Variants in WDR20 observed in about 807,000 individuals in gnomAD.
The protein encoded by WDR20 is WD repeat-containing protein 20.
In WDR20, 3 loss-of-function variants were observed where a neutral mutation model predicts 38.7. The observed-to-expected ratio is 0.08, with a 90% CI of 0.04 to 0.20. The LOEUF (loss-of-function observed/expected upper bound fraction) is 0.20, where lower values mean the gene tolerates loss of function less well. Ranked by LOEUF, WDR20 falls within the 10% of genes least tolerant of loss-of-function variation. WDR20 has a pLI of 1.00. For missense variants in WDR20, 559 were observed against 727.7 expected (o/e 0.77, Z 2.67); for synonymous variants, 298 against 285.6 (o/e 1.04, Z -0.44).
intron 1 of WDR20, among the ~76,000 whole-genome samples, chr14:102,169,720 G>T (rs1447649322): frequency 6.6e-6 from 1 of 152,012 alleles, no homozygotes; most frequent in Non-Finnish European, 1.5e-5. Flanking sequence ...TAGAGACAGG[G>T]TTTCACCATG....
At chr14:102,216,211 G>C (rs769724390), downstream of WDR20, among the ~76,000 whole-genome samples, 2 of 152,232 alleles carry the variant, frequency 1.3e-5, no homozygotes, top group Non-Finnish European at 2.9e-5. Flanking sequence ...GGCTGTCAAA[G>C]CGGAGGGAAC....
chr14:102,163,676 C>T (rs1378066368), intron 1 of WDR20, among the ~76,000 whole-genome samples: 1 of 142,736 alleles, frequency 7.0e-6, no homozygotes, highest in Non-Finnish European at 1.5e-5. Flanking sequence ...CTGTTAATAG[C>T]AGCAGAAAAT....
intron 1 of WDR20, among the ~76,000 whole-genome samples, chr14:102,179,274 G>A (rs747240007): frequency 1.3e-5 from 2 of 151,704 alleles, no homozygotes; most frequent in East Asian, 1.9e-4. Context: ...TTATAAAAGC[G>A]GCCTTTGAGA....
intron 1 of WDR20, among the ~76,000 whole-genome samples, chr14:102,150,980 C>T (rs1055478648): frequency 3.9e-5 from 6 of 152,186 alleles, no homozygotes; most frequent in African/African-American, 1.4e-4. Context: ...GACATAGTCC[C>T]TGGCCCAAAG....
At chr14:102,162,107 G>A (rs2058867448) in intron 1 of WDR20, among the ~76,000 whole-genome samples, 1 of 152,172 alleles carries the variant, frequency 6.6e-6, no homozygotes, top group African/African-American at 2.4e-5. Context: ...GTAGATATTG[G>A]ATAAGCGAGT....
intron 2 of WDR20, among the ~76,000 whole-genome samples, chr14:102,200,467 T>TTTTTTTGTGTGTGTG (rs748066838): frequency 4.2e-5 from 5 of 117,764 alleles, no homozygotes; most frequent in African/African-American, 1.6e-4. Context: ...ATTTTTTTTT[T>TTTTTTTGTGTGTGTG]TGTGTGTGTG....
intron 1 of WDR20, among the ~76,000 whole-genome samples, chr14:102,189,170 A>G (rs183879954): frequency 9.9e-4 from 151 of 152,278 alleles, no homozygotes; most frequent in African/African-American, 3.3e-3. Context: ...AGATCGCACC[A>G]CTGCACTCCA....
chr14:102,202,372 GTTTTTTTTTTT>G (rs5811062), intron 2 of WDR20, among the ~76,000 whole-genome samples: 5 of 67,632 alleles, frequency 7.4e-5, no homozygotes, highest in Non-Finnish European at 1.3e-4. Flanking sequence ...CTGTATGGAG[GTTTTTTTTTTT>G]TTTTTTTTTT....
intron 1 of WDR20, among the ~76,000 whole-genome samples, chr14:102,168,235 T>C (rs1389637360): frequency 1.3e-5 from 2 of 152,204 alleles, no homozygotes; most frequent in African/African-American, 4.8e-5. Context: ...CTGTTAATCA[T>C]TCAAATCACT....
At chr14:102,155,439 T>C (rs1187622660) in intron 1 of WDR20, among the ~76,000 whole-genome samples, 1 of 152,268 alleles carries the variant, frequency 6.6e-6, no homozygotes, top group East Asian at 1.9e-4. Context: ...GAGAGCAGCC[T>C]TAGAGAGACC....
intron 1 of WDR20, among the ~76,000 whole-genome samples, chr14:102,151,899 A>T (rs960183951): frequency 6.6e-6 from 1 of 151,150 alleles, no homozygotes; most frequent in South Asian, 2.1e-4. Context: ...GCTACCACCC[A>T]CACCCACCTG....
At chr14:102,176,171 G>C (rs2062021177) in intron 1 of WDR20, among the ~76,000 whole-genome samples, 2 of 152,178 alleles carry the variant, frequency 1.3e-5, no homozygotes, top group African/African-American at 4.8e-5. Context: ...GAGGTGGGCA[G>C]ATCACGAGGT....
At chr14:102,150,059 T>C (rs2055211631) in intron 1 of WDR20, among the ~76,000 whole-genome samples, 1 of 152,178 alleles carries the variant, frequency 6.6e-6, no homozygotes, top group Admixed American at 6.6e-5. Context: ...GCCAAATCAG[T>C]TTGTGTTACA....
rs752615602 is a variant in WDR20 at position 102,195,046 on chromosome 14, G to T, written c.358G>T (p.Val120Leu). The T allele has an allele frequency of 6.2e-7, 1 of 1,614,104 alleles. No homozygotes were observed. Among genetic ancestry groups the T allele is most frequent in the Non-Finnish European group, 8.5e-7 (1 of 1,180,046 alleles). Residue 120 changes from valine (V) to leucine (L), a missense_variant, in exon 2 of 3, where the codon GTG (valine) becomes TTG (leucine). Coordinates refer to ENST00000342702, the MANE Select transcript of WDR20 (RefSeq NM_144574.4). ...TATAESVSLL[V>L]GFSAGQVQLI... ...CACAGCAGAAAGTGTCTCTCTCCTA[G>T]TGGGCTTTTCCGCAGGCCAAGTCCA...
At chr14:102,213,653 C>G, downstream of WDR20, 1 of 985,446 alleles carries the variant, frequency 1.0e-6, no homozygotes, top group Non-Finnish European at 1.2e-6. Flanking sequence ...CCAGCTGGCA[C>G]GTGGCCAGGC....
intron 1 of WDR20, among the ~76,000 whole-genome samples, chr14:102,165,326 T>C (rs1406333431): frequency 6.6e-6 from 1 of 152,218 alleles, no homozygotes; most frequent in African/African-American, 2.4e-5. Flanking sequence ...ATTTTTTTCT[T>C]GAACAGACTT....
At chr14:102,181,247 C>G (rs776181093) in intron 1 of WDR20, among the ~76,000 whole-genome samples, 5 of 152,096 alleles carry the variant, frequency 3.3e-5, no homozygotes, top group African/African-American at 4.8e-5. Context: ...CAGGTTCTGT[C>G]TGGTAGTTAC....
chr14:102,197,587 G>A (rs1010270026), intron 2 of WDR20, among the ~76,000 whole-genome samples: 1 of 152,190 alleles, frequency 6.6e-6, no homozygotes, highest in Non-Finnish European at 1.5e-5. Flanking sequence ...ATCACAGTGT[G>A]GGACTTGGAG....
intron 2 of WDR20, among the ~76,000 whole-genome samples, chr14:102,205,741 G>C (rs1175708443): frequency 6.6e-6 from 1 of 151,826 alleles, no homozygotes; most frequent in African/African-American, 2.4e-5. Flanking sequence ...ATGATTGACA[G>C]AGAAAAACAA....
Sources: allele counts gnomAD v4.1 joint callset (sites outside exome capture counted in the v4.1 genomes callset), GRCh38; gene constraint gnomAD v4.1.1; transcripts MANE v1.5; gene names NCBI Gene and HGNC (gene_info 2026-07-23, HGNC 2026-07-21).